The following PIR variants were observed in gnomAD, a reference collection of about 807,000 sequenced individuals.
The protein encoded by PIR is pirin, also known as pirin (iron-binding nuclear protein).
Under a neutral mutation model 24.2 loss-of-function variants are expected in PIR, and 22 were observed. That is an observed-to-expected ratio of 0.91 (90% CI 0.65 to 1.30). PIR has a LOEUF of 1.30. PIR is among the 50% of genes most tolerant of loss of function. PIR has a pLI of 0.00. For synonymous variants in PIR, 80 were observed against 79.6 expected (o/e 1.00, Z -0.03); for missense variants, 220 against 220.3 (o/e 1.00, Z 0.01).
chrX:15,429,967 C>G (rs1316487506), intron 5 of PIR: 5 of 111,536 alleles, frequency 4.5e-5, no homozygotes, highest in Non-Finnish European at 9.4e-5. Context: ...AGAAATCTTC[C>G]TATTAGGCAC....
intron 5 of PIR, among the ~76,000 whole-genome samples, chrX:15,446,746 T>C (rs921476961): frequency 9.0e-6 from 1 of 111,629 alleles, no homozygotes; most frequent in African/African-American, 3.3e-5. Context: ...TCAGTTGATA[T>C]GTCTTTCCCT....
chrX:15,421,816 C>T (rs1230397452), intron 6 of PIR, among the ~76,000 whole-genome samples: 1 of 111,037 alleles, frequency 9.0e-6, no homozygotes, highest in African/African-American at 3.3e-5. Context: ...ACCCTGATAC[C>T]AAAACCAGAC....
chrX:15,475,303 G>C (rs766984947), intron 3 of PIR, among the ~76,000 whole-genome samples: 1 of 111,615 alleles, frequency 9.0e-6, no homozygotes, highest in South Asian at 3.8e-4. Context: ...TTTTGTTCTC[G>C]TGAACAAAAT....
intron 7 of PIR, among the ~76,000 whole-genome samples, chrX:15,403,950 ATGAC>A (rs993524587): frequency 1.8e-5 from 2 of 110,158 alleles, no homozygotes; most frequent in Admixed American, 9.7e-5. Flanking sequence ...TACCTTTAAA[ATGAC>A]TGACTTACTT....
At chrX:15,448,722 T>C (rs746531660) in intron 5 of PIR, among the ~76,000 whole-genome samples, 9 of 112,035 alleles carry the variant, frequency 8.0e-5, no homozygotes, top group Non-Finnish European at 1.7e-4. Context: ...AAATAGTTAC[T>C]GCACTCTTAC....
intron 3 of PIR, among the ~76,000 whole-genome samples, chrX:15,470,548 G>A (rs1032489966): frequency 1.6e-4 from 17 of 106,797 alleles, no homozygotes; most frequent in Admixed American, 4.9e-4. Flanking sequence ...TTGGCTTATA[G>A]TCTTTATTAC....
intron 2 of PIR, among the ~76,000 whole-genome samples, chrX:15,483,174 T>TATATATAG (rs955424390): frequency 3.0e-5 from 3 of 98,751 alleles, no homozygotes; most frequent in African/African-American, 1.1e-4. Flanking sequence ...CATATATATA[T>TATATATAG]AAATTCAACA....
intron 6 of PIR, among the ~76,000 whole-genome samples, chrX:15,418,258 C>A (rs983572791): frequency 1.8e-5 from 2 of 111,021 alleles, no homozygotes; most frequent in African/African-American, 3.3e-5. Context: ...AACTGTGATA[C>A]AGTCAGTCAG....
chrX:15,455,630 T>A (rs769385674), intron 5 of PIR, among the ~76,000 whole-genome samples: 1 of 112,726 alleles, frequency 8.9e-6, no homozygotes, highest in Non-Finnish European at 1.9e-5. Flanking sequence ...CCAAACTTTA[T>A]ATGAGCTTGC....
At chrX:15,451,849 T>G (rs897126766) in intron 5 of PIR, among the ~76,000 whole-genome samples, 4 of 112,469 alleles carry the variant, frequency 3.6e-5, no homozygotes, top group Non-Finnish European at 7.5e-5. Context: ...ACATGAAAAC[T>G]GCCCAAAGAT....
chrX:15,424,812 C>T (rs753390810), intron 6 of PIR, among the ~76,000 whole-genome samples: 2 of 111,397 alleles, frequency 1.8e-5, no homozygotes, highest in African/African-American at 6.5e-5. Context: ...GCCTGGGCAA[C>T]GTGGTGAAAC....
At chrX:15,407,410 A>T (rs1924582446) in intron 7 of PIR, 96 bp downstream of exon 7, 1 of 637,832 alleles carries the variant, frequency 1.6e-6, no homozygotes, top group Admixed American at 2.3e-5. Flanking sequence ...GTGGCATAGT[A>T]TTCAATTACA....
intron 3 of PIR, among the ~76,000 whole-genome samples, chrX:15,473,292 G>A (rs1036699893): frequency 3.6e-5 from 4 of 111,318 alleles, no homozygotes; most frequent in African/African-American, 1.3e-4. Flanking sequence ...TAGAGGCCAA[G>A]GACGTTGCTA....
At chrX:15,415,249 C>T (rs572090896) in intron 6 of PIR, among the ~76,000 whole-genome samples, 12 of 111,649 alleles carry the variant, frequency 1.1e-4, no homozygotes, top group Middle Eastern at 9.2e-3. Context: ...TAATCCTTAC[C>T]TCACAGGGTC....
At chrX:15,491,375 A>C in intron 1 of PIR, 66 bp from the exon 2 acceptor site, 1 of 468,749 alleles carries the variant, frequency 2.1e-6, no homozygotes, top group Non-Finnish European at 3.6e-6. Flanking sequence ...CTACAAAATA[A>C]ATGATATTAA....
At chrX:15,466,741 T>A (rs1921617760) in intron 3 of PIR, among the ~76,000 whole-genome samples, 1 of 111,776 alleles carries the variant, frequency 8.9e-6, no homozygotes, top group Admixed American at 9.4e-5. Context: ...TTCGTGGATC[T>A]TCATTCACGC....
intron 3 of PIR, among the ~76,000 whole-genome samples, chrX:15,459,960 C>G (rs1398094146): frequency 9.3e-6 from 1 of 107,003 alleles, no homozygotes. Context: ...GACACTTTCC[C>G]AAGGAAGACA....
intron 7 of PIR, among the ~76,000 whole-genome samples, chrX:15,404,300 T>A (rs1924489782): frequency 8.9e-6 from 1 of 112,352 alleles, no homozygotes; most frequent in African/African-American, 3.2e-5. Flanking sequence ...CATGCCCGGC[T>A]GTGGAGCATT....
chrX:15,390,256 A>C lies in PIR; in HGVS notation c.694-5T>G. Reference sequence around the variant, plus strand: ...AAAGTGGCTTCTCTTGGGATCCTAAAGTTAACAAAGAAAACATCAAACAAT... The same window carrying C: ...AAAGTGGCTTCTCTTGGGATCCTAACGTTAACAAAGAAAACATCAAACAAT... On this transcript the variant is annotated splice_region_variant and splice_polypyrimidine_tract_variant and intron_variant, in intron 8 of 9. Transcript: ENST00000380420. 3 of 1,080,470 alleles carry C rather than the reference A, an allele frequency of 2.8e-6. No homozygotes were observed. The highest frequency in any genetic ancestry group is 3.8e-6 in the Non-Finnish European group (3 of 792,571). 89.0% of individuals were successfully genotyped at this position (1,080,470 alleles called of 1,213,427 possible). A position where few individuals can be genotyped will look rare whatever the true frequency, so the allele number is the denominator to read the frequency against.
Sources: allele counts gnomAD v4.1 joint callset (sites outside exome capture counted in the v4.1 genomes callset), GRCh38; gene constraint gnomAD v4.1.1; transcripts MANE v1.5; gene names NCBI Gene and HGNC (gene_info 2026-07-23, HGNC 2026-07-21).